The following AMBN variants were observed in gnomAD, a reference collection of about 807,000 sequenced individuals.
AMBN encodes enamel matrix protein.
In AMBN, 54 loss-of-function variants were observed where a neutral mutation model predicts 48.0. The observed-to-expected ratio is 1.12, with a 90% CI of 0.90 to 1.41. The LOEUF (loss-of-function observed/expected upper bound fraction) is 1.41. Ranked by LOEUF, AMBN falls within the 40% of genes most tolerant of loss-of-function variation. AMBN has a pLI of 0.00. For missense variants in AMBN, 571 were observed against 547.3 expected (o/e 1.04, Z -0.43); for synonymous variants, 186 against 190.0 (o/e 0.98, Z 0.17).
At position 70,606,247 on chromosome 4, in the gene AMBN, C is replaced by A. The variant is rs369661101; in HGVS notation, c.861C>A (p.Pro287=). ...AMFPGFGGMR[P]GFEGMPHNPA... ...TTCCAGGATTTGGAGGCATGAGGCCCGGCTTTGAGGGAATGCCCCACAACC... is the reference window on the plus strand; with the variant it reads ...TTCCAGGATTTGGAGGCATGAGGCCAGGCTTTGAGGGAATGCCCCACAACC... The change falls in exon 13 of 13, where the codon CCC becomes CCA. Residue 287 remains proline, a synonymous_variant. Coordinates refer to ENST00000322937, the MANE Select transcript of AMBN (RefSeq NM_016519.6). 1.6e-5 allele frequency: 26 copies of A among 1,613,968 alleles called. No homozygotes were observed. The highest frequency in any genetic ancestry group is 7.7e-5 in the South Asian group (7 of 91,072).
Position 70,603,405 on chromosome 4 carries a change from A to G in AMBN, c.709-11A>G. 4 of 1,613,560 alleles carry G rather than the reference A, an allele frequency of 2.5e-6. No homozygotes were observed. The highest frequency in any genetic ancestry group is 3.4e-6 in the Non-Finnish European group (4 of 1,179,782). On this transcript the variant is annotated splice_polypyrimidine_tract_variant and intron_variant, in intron 10 of 12. Coordinates refer to ENST00000322937, the MANE Select transcript of AMBN (RefSeq NM_016519.6). ...AAATGCATTTTGTGATAATGATTGT[A>G]TTTTATTTAGCTTTATCCAGGAATG...
rs1284558436 is a variant in AMBN at position 70,606,936 on chromosome 4, T to C, written c.*206T>C. ...TTGTTGAAATAAAATGTGTCAATTG[T>C]CTCTGTGATTTAGAAACACTATTAA... On this transcript the variant is annotated 3_prime_UTR_variant, in exon 13 of 13. Transcript: ENST00000322937. 1.0e-5 allele frequency: 6 copies of C among 581,302 alleles called. No homozygotes were observed. The East Asian group carries it at 1.4e-4, about 14-fold the overall frequency. The allele number at this position is 581,302 out of a possible 1,614,324, so 36.0% of individuals were successfully genotyped here.
rs773734640 is a variant in AMBN, at chr4:70,601,925, A to G, written c.531+271A>G. 6.1e-5 allele frequency: 34 copies of G among 554,794 alleles called. 2 individuals carry two copies. The highest frequency in any genetic ancestry group is 5.2e-4 in the South Asian group (34 of 65,412). 34.4% of individuals were successfully genotyped at this position (554,794 alleles called of 1,614,324 possible). Reference sequence around the variant, plus strand: ...TTAGTTGCGAAAGATGAAAACTCCCATAGGAAATAGAATAAAACCCCAGAG... The same window carrying G: ...TTAGTTGCGAAAGATGAAAACTCCCGTAGGAAATAGAATAAAACCCCAGAG... On this transcript the variant is annotated intron_variant, in intron 6 of 12. Transcript: ENST00000322937.
In AMBN at chr4:70,606,378, C is replaced by G; in HGVS notation, c.992C>G (p.Ala331Gly). The G allele has an allele frequency of 6.2e-7, 1 of 1,614,014 alleles. No homozygotes were observed. ...GGAQGSPMPE[A>G]NPDNLENPAF... Reference sequence around the variant, plus strand: ...GCACAAGGCTCCCCTATGCCGGAGGCCAACCCAGACAATCTAGAAAACCCA... The same window carrying G: ...GCACAAGGCTCCCCTATGCCGGAGGGCAACCCAGACAATCTAGAAAACCCA... Residue 331 changes from alanine to glycine, a missense_variant, in exon 13 of 13, where the codon GCC (alanine) becomes GGC (glycine). Ala to Gly is a moderately conservative substitution (Grantham distance 60). Coordinates refer to ENST00000322937, the MANE Select transcript of AMBN (RefSeq NM_016519.6).
chr4:70,605,307 A>G (rs1737616834), intron 12 of AMBN, among the ~76,000 whole-genome samples: 1 of 152,184 alleles, frequency 6.6e-6, no homozygotes, highest in Non-Finnish European at 1.5e-5. Flanking sequence ...TTGCCATCAC[A>G]TAGTATTAAT....
chr4:70,604,263 T>C (rs1737590896), intron 12 of AMBN, among the ~76,000 whole-genome samples: 1 of 152,224 alleles, frequency 6.6e-6, no homozygotes. Flanking sequence ...TCTTGTTCTT[T>C]CTGGGACCAT....
chr4:70,601,072 T>C (rs538374745), intron 5 of AMBN, among the ~76,000 whole-genome samples: 1 of 152,268 alleles, frequency 6.6e-6, no homozygotes, highest in South Asian at 2.1e-4. Flanking sequence ...CAAAGATTTA[T>C]AACAAATAAT....
Position 70,606,111 on chromosome 4 carries a change from T to C in AMBN, c.799-74T>C, listed in dbSNP as rs1577958303. 1.7e-5 allele frequency: 26 copies of C among 1,508,696 alleles called. 1 individual carries two copies. The highest frequency in any genetic ancestry group is 4.2e-4 in the Middle Eastern group (2 of 4,784). The allele number at this position is 1,508,696 out of a possible 1,614,324, so 93.5% of individuals were successfully genotyped here. A position where few individuals can be genotyped will look rare whatever the true frequency, so the allele number is the denominator to read the frequency against. On this transcript the variant is annotated intron_variant, in intron 12 of 12. Coordinates refer to ENST00000322937, the MANE Select transcript of AMBN (RefSeq NM_016519.6). ...GTTTTTTAGAGATCCTTGGTGAATG[T>C]GACCAGGTATAGCTGCATGGTATAG...
intron 9 of AMBN, 94 bp downstream of exon 9, chr4:70,603,104 T>G: frequency 6.9e-7 from 1 of 1,440,388 alleles, no homozygotes; most frequent in African/African-American, 1.4e-5. Flanking sequence ...CATTTATCCA[T>G]GAATATGAAG....
Position 70,606,590 on chromosome 4 carries a change from A to C in AMBN, c.1204A>C (p.Met402Leu), listed in dbSNP as rs770852229. ...TGTTTATAGGACCTACGATGCTGACATGACCACATCCGTGGATTTCCAGGA... is the reference window on the plus strand; with the variant it reads ...TGTTTATAGGACCTACGATGCTGACCTGACCACATCCGTGGATTTCCAGGA... Reference protein sequence around the residue: ...ADVYRTYDADMTTSVDFQEEA... With the variant: ...ADVYRTYDADLTTSVDFQEEA... Residue 402 changes from methionine (M) to leucine (L), a missense_variant, in exon 13 of 13, where the codon ATG (methionine) becomes CTG (leucine). By Grantham distance (15) the Met-to-Leu change is conservative (BLOSUM62 2). Coordinates refer to ENST00000322937, the MANE Select transcript of AMBN (RefSeq NM_016519.6). 6.2e-7 allele frequency: 1 copy of C among 1,614,160 alleles called. No individual in the cohort carries two copies. The highest frequency in any genetic ancestry group is 8.5e-7 in the Non-Finnish European group (1 of 1,180,008).
At chr4:70,592,547 GA>G (rs938758043) in intron 1 of AMBN, among the ~76,000 whole-genome samples, 174 bp downstream of exon 1, 45 of 138,478 alleles carry the variant, frequency 3.2e-4, no homozygotes, top group South Asian at 6.9e-4. Flanking sequence ...ATTCAACTAA[GA>G]AAAAAAAAAA....
chr4:70,598,492 T>A (rs1737439975), intron 4 of AMBN, 89 bp downstream of exon 4: 1 of 1,061,612 alleles, frequency 9.4e-7, no homozygotes, highest in Non-Finnish European at 1.3e-6. Context: ...TATTTATGAA[T>A]AGACAATATA....
At chr4:70,605,053 G>A (rs1737610621) in intron 12 of AMBN, among the ~76,000 whole-genome samples, 1 of 151,674 alleles carries the variant, frequency 6.6e-6, no homozygotes, top group Non-Finnish European at 1.5e-5. Context: ...GGAAAAGATA[G>A]GTACAAGGGC....
chr4:70,598,448 T>A, intron 4 of AMBN, 45 bp downstream of exon 4: 1 of 1,451,226 alleles, frequency 6.9e-7, no homozygotes. Flanking sequence ...GTGGTAGTGT[T>A]AATATTAGCA....
rs942775980 is a variant in AMBN, at chr4:70,598,374, A to C, written c.154A>C (p.Ser52Arg). 3 of 1,589,184 alleles carry C rather than the reference A, an allele frequency of 1.9e-6. No homozygotes were observed. In the African/African-American group the frequency reaches 4.1e-5, roughly 21 times the overall value. ...TTGATAGACAATGAGACAGTTGGGAAGTCTGCAGAGATTAAACACACTTTC... is the reference window on the plus strand; with the variant it reads ...TTGATAGACAATGAGACAGTTGGGACGTCTGCAGAGATTAAACACACTTTC... ...LSLETMRQLG[S>R]LQRLNTLSQY... is the part of the protein sequence containing the mutation. Residue 52 changes from serine to arginine, a missense_variant, in exon 4 of 13, where the codon AGT (serine) becomes CGT (arginine). Coordinates refer to ENST00000322937, the MANE Select transcript of AMBN (RefSeq NM_016519.6).
At position 70,592,308 on chromosome 4, in the gene AMBN, T is replaced by C; in HGVS notation, c.-51T>C. On this transcript the variant is annotated 5_prime_UTR_variant, in exon 1 of 13. Coordinates refer to ENST00000322937, the MANE Select transcript of AMBN (RefSeq NM_016519.6). ...AGTCCTGAAAAAAATTTTAATCTTC[T>C]TTTCTTAGAACTATCTTGGTTGGCA... 6.2e-7 allele frequency: 1 copy of C among 1,610,172 alleles called. No individual in the cohort carries two copies. Among genetic ancestry groups the C allele is most frequent in the Non-Finnish European group, 8.5e-7 (1 of 1,176,932 alleles).
At position 70,592,279 on chromosome 4, in the gene AMBN, G is replaced by T. The variant is rs921090204; in HGVS notation, c.-80G>T. On this transcript the variant is annotated 5_prime_UTR_variant, in exon 1 of 13. Transcript: ENST00000322937. ...ATGAGAAGTACAGAGCAAGTCCCAC[G>T]CACAGTCCTGAAAAAAATTTTAATC... is the stretch of plus-strand genomic sequence containing the variant. 1.1e-5 allele frequency: 16 copies of T among 1,404,184 alleles called. No homozygotes were observed. Among genetic ancestry groups the T allele is most frequent in the Middle Eastern group, 3.6e-4 (2 of 5,616 alleles). 87.0% of individuals were successfully genotyped at this position (1,404,184 alleles called of 1,614,324 possible).
intron 4 of AMBN, among the ~76,000 whole-genome samples, chr4:70,598,620 C>A (rs1020739868): frequency 6.6e-6 from 1 of 152,028 alleles, no homozygotes; most frequent in African/African-American, 2.4e-5. Context: ...TCTTTTCCTG[C>A]ATTATTAATT....
intron 6 of AMBN, 56 bp downstream of exon 6, chr4:70,601,710 A>C (rs999649967): frequency 2.7e-5 from 41 of 1,532,692 alleles, no homozygotes; most frequent in Non-Finnish European, 3.6e-5. Context: ...AATAGAAGAA[A>C]ACGAATTTGC....
Sources: allele counts gnomAD v4.1 joint callset (sites outside exome capture counted in the v4.1 genomes callset), GRCh38; gene constraint gnomAD v4.1.1; transcripts MANE v1.5; gene names NCBI Gene and HGNC (gene_info 2026-07-23, HGNC 2026-07-21).